The following EML6 variants were observed in gnomAD, a reference collection of about 807,000 sequenced individuals.
EML6 encodes the protein EMAP like 6, also known as echinoderm microtubule-associated protein-like 6.
Under a neutral mutation model 240.1 loss-of-function variants are expected in EML6, and 154 were observed. That is an observed-to-expected ratio of 0.64 (90% CI 0.56 to 0.73). EML6 has a LOEUF of 0.73. Among genes scored for constraint, EML6 ranks in the 30% least tolerant of loss-of-function variants. The probability of loss-of-function intolerance (pLI) is 0.00; values close to 1 mark genes in which losing one functional copy is unlikely to be tolerated. For missense variants in EML6, 2,964 were observed against 2,474.6 expected (o/e 1.20, Z -4.20); for synonymous variants, 1,148 against 899.0 (o/e 1.28, Z -4.95).
At chr2:54,827,330 A>C (rs1668644985) in intron 5 of EML6, among the ~76,000 whole-genome samples, 1 of 152,186 alleles carries the variant, frequency 6.6e-6, no homozygotes, top group African/African-American at 2.4e-5. Context: ...AAAGCTTTGA[A>C]ATTTTGGAAC....
intron 14 of EML6, chr2:54,868,635 T>G (rs1031990467): frequency 1.3e-5 from 2 of 152,302 alleles, no homozygotes; most frequent in Non-Finnish European, 2.9e-5. Flanking sequence ...TTCCATTAAG[T>G]CTCTGTACAA....
intron 2 of EML6, among the ~76,000 whole-genome samples, chr2:54,780,278 T>C (rs1466236612): frequency 6.6e-6 from 1 of 152,236 alleles, no homozygotes; most frequent in East Asian, 1.9e-4. Flanking sequence ...AAAATGACTT[T>C]CAGTCTGTAA....
chr2:54,830,170 C>G (rs1289421548), intron 7 of EML6, among the ~76,000 whole-genome samples: 1 of 152,144 alleles, frequency 6.6e-6, no homozygotes, highest in Non-Finnish European at 1.5e-5. Flanking sequence ...TTTTAAAATT[C>G]TCATGGTAGG....
At chr2:54,935,069 C>T (rs1251537957) in intron 28 of EML6, among the ~76,000 whole-genome samples, 1 of 152,042 alleles carries the variant, frequency 6.6e-6, no homozygotes, top group Non-Finnish European at 1.5e-5. Context: ...ATATTATAAC[C>T]TTTTGTAGGC....
chr2:54,799,082 A>C lies in EML6; in HGVS notation c.198-14150A>C, dbSNP rs562133142. On this transcript the variant is annotated intron_variant, in intron 2 of 41. Coordinates refer to ENST00000356458, the MANE Select transcript of EML6 (RefSeq NM_001039753.4). ...ATATATTCTGCTAGATTTTTTTGAG[A>C]CGGAGTCTTGTTCTGTCTCCCAGGC... Among the ~76,000 whole-genome samples, 4 of 151,972 alleles carry C rather than the reference A, an allele frequency of 2.6e-5. No individual in the cohort carries two copies. The South Asian group carries it at 8.3e-4, about 32-fold the overall frequency.
At chr2:54,834,489 TTTAC>T (rs370613377) in intron 7 of EML6, among the ~76,000 whole-genome samples, 1 of 152,228 alleles carries the variant, frequency 6.6e-6, no homozygotes, top group Non-Finnish European at 1.5e-5. Flanking sequence ...AGATGTATTA[TTTAC>T]TTATTTGTCC....
chr2:54,925,951 G>A (rs1674520647), intron 26 of EML6, among the ~76,000 whole-genome samples: 1 of 152,142 alleles, frequency 6.6e-6, no homozygotes, highest in Admixed American at 6.6e-5. Context: ...GAAAAGCTCT[G>A]GAGGATGATT....
intron 17 of EML6, chr2:54,882,918 T>TCGAACTTCCAA (rs1671914773): frequency 6.8e-6 from 1 of 146,124 alleles, no homozygotes; most frequent in Admixed American, 7.0e-5. Context: ...GGCAGGCGTA[T>TCGAACTTCCAA]CGAACTTCCA....
At chr2:54,896,630 A>C (rs1353958753) in intron 21 of EML6, among the ~76,000 whole-genome samples, 3 of 152,120 alleles carry the variant, frequency 2.0e-5, no homozygotes, top group South Asian at 2.1e-4. Flanking sequence ...AAATGCACTG[A>C]TCATATGAGC....
intron 2 of EML6, among the ~76,000 whole-genome samples, chr2:54,764,461 G>A (rs1261857139): frequency 6.6e-6 from 1 of 152,114 alleles, no homozygotes; most frequent in Admixed American, 6.5e-5. Flanking sequence ...GAAACCTGGG[G>A]GCACTCCACT....
At chr2:54,820,900 C>T (rs1308797749) in intron 5 of EML6, among the ~76,000 whole-genome samples, 2 of 152,128 alleles carry the variant, frequency 1.3e-5, no homozygotes, top group East Asian at 3.8e-4. Flanking sequence ...TAGAGGAATT[C>T]ACAGTACAAA....
At chr2:54,944,123 C>A (rs1286923723) in intron 28 of EML6, among the ~76,000 whole-genome samples, 1 of 152,104 alleles carries the variant, frequency 6.6e-6, no homozygotes. Flanking sequence ...TACCCTCTCT[C>A]TTAATTAATC....
chr2:54,725,055 G>C lies in EML6; in HGVS notation c.-7G>C. The C allele has an allele frequency of 2.6e-6, 4 of 1,511,292 alleles. No individual in the cohort carries two copies. Among genetic ancestry groups the C allele is most frequent in the Non-Finnish European group, 3.5e-6 (4 of 1,130,614 alleles). 93.6% of individuals were successfully genotyped at this position (1,511,292 alleles called of 1,614,324 possible). A position where few individuals can be genotyped will look rare whatever the true frequency, so the allele number is the denominator to read the frequency against. ...GGGGGGCGGGGGGCGCGCGGGGTCG[G>C]CTTATCATGGCGGATCGGACGGCGC... On this transcript the variant is annotated 5_prime_UTR_variant, in exon 2 of 42. Coordinates refer to ENST00000356458, the MANE Select transcript of EML6 (RefSeq NM_001039753.4). The surrounding 1 kb of genome is among the most constrained non-coding windows in gnomAD (Gnocchi z 4.3).
At chr2:54,764,060 C>G (rs1183829547) in intron 2 of EML6, among the ~76,000 whole-genome samples, 1 of 152,210 alleles carries the variant, frequency 6.6e-6, no homozygotes, top group Non-Finnish European at 1.5e-5. Context: ...GCCCTCTAGT[C>G]AGCATTTTAT....
At chr2:54,947,336 CGAT>C (rs1558715262) in intron 28 of EML6, among the ~76,000 whole-genome samples, 1 of 152,084 alleles carries the variant, frequency 6.6e-6, no homozygotes, top group African/African-American at 2.4e-5. Flanking sequence ...AATTTGGTGG[CGAT>C]GATGTCAGCC....
intron 2 of EML6, among the ~76,000 whole-genome samples, chr2:54,789,300 T>G (rs1572898319): frequency 6.6e-6 from 1 of 151,618 alleles, no homozygotes; most frequent in South Asian, 2.1e-4. Flanking sequence ...GATCACGAGG[T>G]CAGGAGATCG....
chr2:54,788,509 C>T (rs1049202214), intron 2 of EML6, among the ~76,000 whole-genome samples: 1 of 152,210 alleles, frequency 6.6e-6, no homozygotes, highest in Non-Finnish European at 1.5e-5. Context: ...ACACTATAAA[C>T]ATCTGGGGCC....
intron 28 of EML6, among the ~76,000 whole-genome samples, chr2:54,942,658 G>A (rs538163886): frequency 4.8e-4 from 73 of 152,164 alleles, no homozygotes; most frequent in South Asian, 4.2e-4. Context: ...GCCCCTTCCT[G>A]TTCTTGTCAT....
At chr2:54,761,433 T>A (rs1299340516) in intron 2 of EML6, among the ~76,000 whole-genome samples, 1 of 152,192 alleles carries the variant, frequency 6.6e-6, no homozygotes, top group African/African-American at 2.4e-5. Flanking sequence ...GAAAGTTGAA[T>A]AAGGTATTTC....
Sources: gnomAD v4.1 joint callset for allele counts (sites outside exome capture counted in the v4.1 genomes callset) on GRCh38, gnomAD v4.1.1 for gene constraint, Gnocchi (gnomAD v3.1) non-coding constraint, MANE v1.5 for transcripts, NCBI Gene and HGNC (gene_info 2026-07-23, HGNC 2026-07-21) for gene names.